The following PLCG1 variants were observed in gnomAD, a reference collection of about 807,000 sequenced individuals.
PLCG1 encodes phospholipase C gamma 1.
Under a neutral mutation model 177.8 loss-of-function variants are expected in PLCG1, and 71 were observed. The ratio of observed to expected loss-of-function variants is 0.40; its 90% confidence interval spans 0.33 to 0.49. The LOEUF (loss-of-function observed/expected upper bound fraction) is 0.49. PLCG1 is among the 20% of genes least tolerant of loss of function. The probability of loss-of-function intolerance (pLI) is 0.72; values close to 1 mark genes in which losing one functional copy is unlikely to be tolerated. For synonymous variants in PLCG1, 658 were observed against 647.9 expected, an observed-to-expected ratio of 1.02 and a Z score of -0.24; for missense variants, 1,281 against 1,709.0, an observed-to-expected ratio of 0.75 and a Z score of 4.42.
chr20:41,167,975 G>T lies in PLCG1; in HGVS notation c.2379+46G>T. 8.0e-7 allele frequency: 1 copy of T among 1,245,058 alleles called. No individual in the cohort carries two copies. Among genetic ancestry groups the T allele is most frequent in the African/African-American group, 1.5e-5 (1 of 68,024 alleles). 77.1% of individuals were successfully genotyped at this position (1,245,058 alleles called of 1,614,324 possible). On this transcript the variant is annotated intron_variant, in intron 20 of 31. Coordinates refer to ENST00000685551, the MANE Select transcript of PLCG1 (RefSeq NM_002660.3). The surrounding 1 kb of genome is among the most constrained non-coding windows in gnomAD (Gnocchi z 4.4). ...CATAGGAAGCTGGGGAGGGTCCCCA[G>T]CTGCTTGGGGCTTCATTTCTGTGTT...
Position 41,173,386 on chromosome 20 carries a change from G to C in PLCG1, c.3280-34G>C, listed in dbSNP as rs749956053. On this transcript the variant is annotated intron_variant, in intron 27 of 31. Transcript: ENST00000685551. The surrounding 1 kb of genome is among the most constrained non-coding windows in gnomAD (Gnocchi z 6.2). ...AGTGGGGAATTGGAGGGAGCAGGAA[G>C]GACAATCCCAGGCCCTTCTTTGTCT... The C allele has an allele frequency of 2.4e-5, 37 of 1,533,180 alleles. No individual in the cohort carries two copies. The highest frequency in any genetic ancestry group is 3.0e-5 in the Non-Finnish European group (34 of 1,138,510). 95.0% of individuals were successfully genotyped at this position (1,533,180 alleles called of 1,614,324 possible). A position where few individuals can be genotyped will look rare whatever the true frequency, so the allele number is the denominator to read the frequency against.
Position 41,174,454 on chromosome 20 carries a change from C to A in PLCG1, c.3834-13C>A. ...CCTGCCTGCCAGTAAGGACACTCTT[C>A]CCTTCTGTCCAGGGCCCCAAGAAGG... is the stretch of plus-strand genomic sequence containing the variant. On this transcript the variant is annotated splice_polypyrimidine_tract_variant and intron_variant, in intron 31 of 31. Transcript: ENST00000685551. This position sits in a 1 kb window ranked among gnomAD's most constrained non-coding sequence, Gnocchi z 5.8. The A allele has an allele frequency of 6.3e-7, 1 of 1,591,180 alleles. No individual in the cohort carries two copies. The highest frequency in any genetic ancestry group is 1.3e-5 in the African/African-American group (1 of 74,636).
rs1010756846 is a variant in PLCG1 at position 41,147,099 on chromosome 20, C to T, written c.217+9241C>T. ...CCTATTCTGCCTGATAGTCCACCAC[C>T]TGTTTGGAGGCAGCTCCCCTCTTCC... is the stretch of plus-strand genomic sequence containing the variant. On this transcript the variant is annotated intron_variant, in intron 1 of 31. Transcript: ENST00000685551. This position sits in a 1 kb window ranked among gnomAD's most constrained non-coding sequence, Gnocchi z 4.0. Among the ~76,000 whole-genome samples the T allele has an allele frequency of 1.3e-5, 2 of 152,158 alleles. No individual in the cohort carries two copies. Among genetic ancestry groups the T allele is most frequent in the Non-Finnish European group, 1.5e-5 (1 of 68,038 alleles).
chr20:41,174,967 G>C lies in PLCG1; in HGVS notation c.*458G>C, dbSNP rs2036018079. On this transcript the variant is annotated 3_prime_UTR_variant, in exon 32 of 32. Transcript: ENST00000685551. The surrounding 1 kb of genome is among the most constrained non-coding windows in gnomAD (Gnocchi z 5.8). ...TAGCTTTAAAACCACAGCTGGGCAG[G>C]GTGAGAAGCTAGATGCCCCTGCAGT... The C allele has an allele frequency of 5.9e-6, 1 of 170,104 alleles. No homozygotes were observed. The highest frequency in any genetic ancestry group is 2.4e-5 in the African/African-American group (1 of 41,738). The allele number at this position is 170,104 out of a possible 1,614,324, so 10.5% of individuals were successfully genotyped here.
rs1315081525 is a variant in PLCG1 at position 41,163,470 on chromosome 20, C to T, written c.882C>T (p.Phe294=). Residue 294 remains phenylalanine (F), a synonymous_variant, in exon 9 of 32, where the codon TTC becomes TTT. Transcript: ENST00000685551. The surrounding 1 kb of genome is among the most constrained non-coding windows in gnomAD (Gnocchi z 5.2). The stretch of plus-strand genomic sequence containing the variant: ...GAGAGATCGAGGAGCCATACTTCTT[C>T]CTGGATGAGGTGAGCCCGATGTTTC... ...PLREIEEPYF[F]LDEFVTFLFS... is the part of the protein sequence containing the mutation. The T allele has an allele frequency of 6.2e-7, 1 of 1,608,504 alleles. No homozygotes were observed. Among genetic ancestry groups the T allele is most frequent in the Non-Finnish European group, 8.5e-7 (1 of 1,176,124 alleles).
rs759335016 is a variant in PLCG1, at chr20:41,173,950, A to G, written c.3584A>G (p.Asn1195Ser). Residue 1195 changes from asparagine to serine, a missense_variant, in exon 30 of 32, where the codon AAC (asparagine) becomes AGC (serine). Physicochemically the swap from Asn to Ser is conservative, Grantham distance 46. This residue lies in a region of PLCG1 where 153 missense variants were observed against 153.2 expected (regional missense o/e 1.00). Coordinates refer to ENST00000685551, the MANE Select transcript of PLCG1 (RefSeq NM_002660.3). This position sits in a 1 kb window ranked among gnomAD's most constrained non-coding sequence, Gnocchi z 6.2. ...TACAGAGCAGTGCCTTTGAAGAACA[A>G]CTACAGTGAGGACCTGGAGTTGGCC... Reference protein sequence around the residue: ...TGYRAVPLKNNYSEDLELASL... With the variant: ...TGYRAVPLKNSYSEDLELASL... 3.7e-6 allele frequency: 6 copies of G among 1,614,136 alleles called. No homozygotes were observed. In the Admixed American group the frequency reaches 5.0e-5, roughly 13 times the overall value.
rs202246756 is a variant in PLCG1 at position 41,168,833 on chromosome 20, G to C, written c.2446G>C (p.Ala816Pro). The stretch of plus-strand genomic sequence containing the variant: ...GGACGAGCTGACCTTCATCAAGAGC[G>C]CCATCATCCAGAATGTGGAGAAGCA... Reference protein sequence around the residue: ...REDELTFIKSAIIQNVEKQEG... With the variant: ...REDELTFIKSPIIQNVEKQEG... The change falls in exon 21 of 32, where the codon GCC becomes CCC. Residue 816 changes from alanine (A) to proline (P), a missense_variant. Coordinates refer to ENST00000685551, the MANE Select transcript of PLCG1 (RefSeq NM_002660.3). 5 of 1,612,182 alleles carry C rather than the reference G, an allele frequency of 3.1e-6. No individual in the cohort carries two copies. The highest frequency in any genetic ancestry group is 4.2e-6 in the Non-Finnish European group (5 of 1,179,142).
In PLCG1 at chr20:41,159,732, T is replaced by A; in HGVS notation, c.344T>A (p.Phe115Tyr). ...HCFVILYGME[F>Y]RLKTLSLQAT... is the part of the protein sequence containing the mutation. ...TTTGTCATTCTCTATGGAATGGAAT[T>A]TCGCCTGAAAACGCTGAGCCTGCAA... is the stretch of plus-strand genomic sequence containing the variant. The change falls in exon 2 of 32, where the codon TTT becomes TAT. Residue 115 changes from phenylalanine (F) to tyrosine (Y), a missense_variant. Transcript: ENST00000685551. This position sits in a 1 kb window ranked among gnomAD's most constrained non-coding sequence, Gnocchi z 6.0. The A allele has an allele frequency of 6.2e-7, 1 of 1,614,182 alleles. No individual in the cohort carries two copies. Among genetic ancestry groups the A allele is most frequent in the Non-Finnish European group, 8.5e-7 (1 of 1,180,040 alleles).
At chr20:41,170,329 C>T (rs2035855244) in intron 24 of PLCG1, 60 bp downstream of exon 24, 3 of 1,587,838 alleles carry the variant, frequency 1.9e-6, no homozygotes, top group Non-Finnish European at 2.6e-6. Context: ...CAGCTGAGGC[C>T]TCCAGCTCCC....
chr20:41,144,631 G>T lies in PLCG1; in HGVS notation c.217+6773G>T, dbSNP rs1020290598. On this transcript the variant is annotated intron_variant, in intron 1 of 31. Transcript: ENST00000685551. The surrounding 1 kb of genome is among the most constrained non-coding windows in gnomAD (Gnocchi z 4.1). The stretch of plus-strand genomic sequence containing the variant: ...CTTCTACAGAACATGGGAACCTGGG[G>T]CTCCATGCCCCAAATATCCTGAGAA... Among the ~76,000 whole-genome samples, 1 of 152,202 alleles carries T rather than the reference G, an allele frequency of 6.6e-6. No homozygotes were observed. The highest frequency in any genetic ancestry group is 2.4e-5 in the African/African-American group (1 of 41,438).
In PLCG1 at chr20:41,173,672, G is replaced by A. The variant is rs2035974022; in HGVS notation, c.3415G>A (p.Val1139Ile). Reference protein sequence around the residue: ...EFVVDNGLNPVWPAKPFHFQI... With the variant: ...EFVVDNGLNPIWPAKPFHFQI... Reference sequence around the variant, plus strand: ...CACAGTGGACAATGGACTCAACCCTGTATGGCCAGCCAAGCCCTTCCACTT... The same window carrying A: ...CACAGTGGACAATGGACTCAACCCTATATGGCCAGCCAAGCCCTTCCACTT... The change falls in exon 29 of 32, where the codon GTA becomes ATA. Residue 1139 changes from valine to isoleucine, a missense_variant. Val to Ile is a conservative substitution (Grantham distance 29). Around this residue, in one of 4 missense-constraint regions of PLCG1, gnomAD observed 723 missense variants for 1,030.0 expected, o/e 0.70. Coordinates refer to ENST00000685551, the MANE Select transcript of PLCG1 (RefSeq NM_002660.3). This position sits in a 1 kb window ranked among gnomAD's most constrained non-coding sequence, Gnocchi z 6.2. 6.2e-7 allele frequency: 1 copy of A among 1,614,174 alleles called. No individual in the cohort carries two copies. The highest frequency in any genetic ancestry group is 1.6e-4 in the Middle Eastern group (1 of 6,062).
chr20:41,172,927 T>C lies in PLCG1; in HGVS notation c.3279+50T>C. ...AGGGTAGGAAAGGGGCTGCTTGCCGTTGGAGTCTGTTTATGTTGAGTTCTC... is the reference window on the plus strand; with the variant it reads ...AGGGTAGGAAAGGGGCTGCTTGCCGCTGGAGTCTGTTTATGTTGAGTTCTC... On this transcript the variant is annotated intron_variant, in intron 27 of 31. Transcript: ENST00000685551. This position sits in a 1 kb window ranked among gnomAD's most constrained non-coding sequence, Gnocchi z 7.0. 1.3e-6 allele frequency: 2 copies of C among 1,585,958 alleles called. No individual in the cohort carries two copies. The highest frequency in any genetic ancestry group is 1.7e-6 in the Non-Finnish European group (2 of 1,161,872).
At chr20:41,141,093 T>C (rs1600627874) in intron 1 of PLCG1, among the ~76,000 whole-genome samples, 1 of 152,342 alleles carries the variant, frequency 6.6e-6, no homozygotes, top group Non-Finnish European at 1.5e-5. Flanking sequence ...CTTTTTCTTC[T>C]GGTGTTTTCT....
intron 1 of PLCG1, among the ~76,000 whole-genome samples, chr20:41,143,105 C>T (rs1020319252): frequency 6.6e-6 from 1 of 152,208 alleles, no homozygotes; most frequent in Admixed American, 6.5e-5. Context: ...TGGGTGGTAA[C>T]CCCTTCTGTA....
Position 41,137,654 on chromosome 20 carries a change from G to A in PLCG1, c.13G>A (p.Ala5Thr). The A allele has an allele frequency of 7.6e-7, 1 of 1,317,302 alleles. No individual in the cohort carries two copies. The highest frequency in any genetic ancestry group is 4.2e-5 in the Admixed American group (1 of 24,074). The allele number at this position is 1,317,302 out of a possible 1,614,324, so 81.6% of individuals were successfully genotyped here. A position where few individuals can be genotyped will look rare whatever the true frequency, so the allele number is the denominator to read the frequency against. ...CAGCGTCGGAGCCATGGCGGGCGCC[G>A]CGTCCCCTTGCGCCAACGGCTGCGG... is the stretch of plus-strand genomic sequence containing the variant. MAGA[A>T]SPCANGCGPG... The change falls in exon 1 of 32, where the codon GCG (alanine) becomes ACG (threonine). Residue 5 changes from alanine (A) to threonine (T), a missense_variant. Around this residue, in one of 4 missense-constraint regions of PLCG1, gnomAD observed 374 missense variants for 443.8 expected, o/e 0.84. Transcript: ENST00000685551. The surrounding 1 kb of genome is among the most constrained non-coding windows in gnomAD (Gnocchi z 7.3).
Position 41,159,147 on chromosome 20 carries a change from C to T in PLCG1, c.218-459C>T, listed in dbSNP as rs2035413402. ...AGCAGTTAGGCATTTCAGGGATGCA[C>T]CAGTCCTCTGGGCCAGAGCCTACTT... On this transcript the variant is annotated intron_variant, in intron 1 of 31. Coordinates refer to ENST00000685551, the MANE Select transcript of PLCG1 (RefSeq NM_002660.3). This position sits in a 1 kb window ranked among gnomAD's most constrained non-coding sequence, Gnocchi z 6.0. Among the ~76,000 whole-genome samples, 1 of 152,156 alleles carries T rather than the reference C, an allele frequency of 6.6e-6. No homozygotes were observed. The highest frequency in any genetic ancestry group is 1.5e-5 in the Non-Finnish European group (1 of 68,028).
rs35239352 is a variant in PLCG1, at chr20:41,150,052, G to A, written c.218-9554G>A. On this transcript the variant is annotated intron_variant, in intron 1 of 31. Transcript: ENST00000685551. The surrounding 1 kb of genome is among the most constrained non-coding windows in gnomAD (Gnocchi z 4.0). ...CTGCAAAAAATATAATCAGCCTGGC[G>A]TTGTGGTTTGCCTGTAGTCCCAGCT... Among the ~76,000 whole-genome samples, 64 of 152,282 alleles carry A rather than the reference G, an allele frequency of 4.2e-4. 2 individuals carry two copies. In the South Asian group the frequency reaches 0.012, roughly 28 times the overall value.
rs1446845646 is a variant in PLCG1, at chr20:41,174,333, T to A, written c.3833+22T>A. On this transcript the variant is annotated intron_variant, in intron 31 of 31. Coordinates refer to ENST00000685551, the MANE Select transcript of PLCG1 (RefSeq NM_002660.3). The surrounding 1 kb of genome is among the most constrained non-coding windows in gnomAD (Gnocchi z 5.8). ...GAAGGTGAGGAAGATGGAGGGGTGC[T>A]AGAGCCAGGAAGGCAGTGGCTAGGT... 22 of 1,609,656 alleles carry A rather than the reference T, an allele frequency of 1.4e-5. No homozygotes were observed. Among genetic ancestry groups the A allele is most frequent in the Non-Finnish European group, 1.9e-5 (22 of 1,176,240 alleles).
In PLCG1 at chr20:41,160,732, A is replaced by C. The variant is rs149885661; in HGVS notation, c.512+579A>C. Among the ~76,000 whole-genome samples the C allele has an allele frequency of 3.9e-5, 6 of 152,336 alleles. No homozygotes were observed. In the East Asian group the frequency reaches 1.2e-3, roughly 29 times the overall value. The stretch of plus-strand genomic sequence containing the variant: ...GGGCTTGGATCATGATGGTAATGGT[A>C]GGAAGTGGCTGGATTTTGGCCATGT... On this transcript the variant is annotated intron_variant, in intron 4 of 31. Coordinates refer to ENST00000685551, the MANE Select transcript of PLCG1 (RefSeq NM_002660.3). This position sits in a 1 kb window ranked among gnomAD's most constrained non-coding sequence, Gnocchi z 5.5.
Sources: allele counts gnomAD v4.1 joint callset (sites outside exome capture counted in the v4.1 genomes callset), GRCh38; gene constraint gnomAD v4.1.1; regional missense constraint gnomAD v4.1.1; non-coding constraint Gnocchi (gnomAD v3.1); transcripts MANE v1.5; gene names NCBI Gene and HGNC (gene_info 2026-07-23, HGNC 2026-07-21).